Variants in VDAC1 observed in about 807,000 individuals in gnomAD.
VDAC1 encodes the protein non-selective voltage-gated ion channel VDAC1.
A neutral mutation model predicts 34.7 loss-of-function variants in VDAC1; 10 were observed. The observed-to-expected ratio is 0.29, with a 90% CI of 0.18 to 0.49. The LOEUF (loss-of-function observed/expected upper bound fraction) is 0.49. Among genes scored for constraint, VDAC1 ranks in the 20% least tolerant of loss-of-function variants. The pLI, the probability that VDAC1 is intolerant of heterozygous loss-of-function variation, is 0.99. For missense variants in VDAC1, 230 were observed against 347.9 expected, an observed-to-expected ratio of 0.66 and a Z score of 2.69; for synonymous variants, 130 against 136.0, an observed-to-expected ratio of 0.96 and a Z score of 0.30.
intron 1 of VDAC1, among the ~76,000 whole-genome samples, chr5:134,004,154 G>A (rs1753666860): frequency 6.6e-6 from 1 of 152,158 alleles, no homozygotes; most frequent in African/African-American, 2.4e-5. Flanking sequence ...CGTGGGCCTG[G>A]GGACTCGGGG....
chr5:134,024,395 G>A, the VDAC1 span, among the ~76,000 whole-genome samples: 1 of 151,638 alleles, frequency 6.6e-6, no homozygotes, highest in Non-Finnish European at 1.5e-5. Flanking sequence ...CAGGTGTGGT[G>A]GTGGGCACCT....
In VDAC1 at chr5:133,975,887, G is replaced by A. The variant is rs1438617458; in HGVS notation, c.686C>T (p.Pro229Leu). 6.2e-7 allele frequency: 1 copy of A among 1,611,788 alleles called. No individual in the cohort carries two copies. Among genetic ancestry groups the A allele is most frequent in the South Asian group, 1.1e-5 (1 of 90,950 alleles). ...FGIAAKYQID[P>L]DACFSAKVNN... ...GATACCCACCGAGAAGCAGGCGTCA[G>A]GGTCAATCTGATACTTGGCTGCTAT... Residue 229 changes from proline (P) to leucine (L), a missense_variant, in exon 7 of 9, where the codon CCT becomes CTT. Transcript: ENST00000265333.
the VDAC1 span, among the ~76,000 whole-genome samples, chr5:134,010,378 AC>A: frequency 6.6e-6 from 1 of 152,058 alleles, no homozygotes; most frequent in East Asian, 1.9e-4. Context: ...CGGGCAGATC[AC>A]CTGAGATCAG....
the VDAC1 span, among the ~76,000 whole-genome samples, chr5:134,035,549 C>T: frequency 6.6e-6 from 1 of 152,160 alleles, no homozygotes; most frequent in Non-Finnish European, 1.5e-5. Context: ...CACCAGCGAA[C>T]ATTTGAGCAA....
chr5:134,073,685 T>G, the VDAC1 span, among the ~76,000 whole-genome samples: 1 of 152,196 alleles, frequency 6.6e-6, no homozygotes, highest in African/African-American at 2.4e-5. Context: ...GAATACACAC[T>G]GGAGAATACT....
At chr5:134,057,150 C>T in the VDAC1 span, among the ~76,000 whole-genome samples, 1 of 152,020 alleles carries the variant, frequency 6.6e-6, no homozygotes, top group East Asian at 1.9e-4. Context: ...GCCTGACCAA[C>T]ATGGTAAAAC....
chr5:134,107,328 C>A, the VDAC1 span, among the ~76,000 whole-genome samples: 1 of 152,262 alleles, frequency 6.6e-6, no homozygotes, highest in East Asian at 1.9e-4. Flanking sequence ...AGGGAGCTCA[C>A]TGCCTCTGCT....
chr5:133,986,585 CA>C lies in VDAC1; in HGVS notation c.323+4269del, dbSNP rs200628979. Among the ~76,000 whole-genome samples, 1,055 of 152,036 alleles carry C rather than the reference CA, an allele frequency of 6.9e-3. 13 individuals carry two copies. Among genetic ancestry groups the C allele is most frequent in the African/African-American group, 0.022 (899 of 41,476 alleles). On this transcript the variant is annotated intron_variant, in intron 5 of 8. Coordinates refer to ENST00000265333, the MANE Select transcript of VDAC1 (RefSeq NM_003374.3). ...CTAATTTTTGTATTTTTAGTAAAGA[CA>C]GGGTTTTGCCAGGCTGGTCTCAAAC...
chr5:134,001,172 G>T (rs1053525368), intron 1 of VDAC1, among the ~76,000 whole-genome samples: 2 of 152,184 alleles, frequency 1.3e-5, no homozygotes, highest in Non-Finnish European at 2.9e-5. Context: ...GGGTCCCTTG[G>T]AGTGCAACTG....
At chr5:134,054,086 G>A in the VDAC1 span, among the ~76,000 whole-genome samples, 2 of 152,306 alleles carry the variant, frequency 1.3e-5, no homozygotes, top group Admixed American at 6.5e-5. Context: ...CAATTATGGC[G>A]TTTCTGGAAA....
intron 1 of VDAC1, among the ~76,000 whole-genome samples, chr5:134,003,033 A>G (rs924653148): frequency 2.4e-4 from 37 of 152,184 alleles, no homozygotes; most frequent in African/African-American, 8.4e-4. Context: ...TGCCCATTCA[A>G]TAATTCCACA....
At chr5:134,063,147 C>G in the VDAC1 span, among the ~76,000 whole-genome samples, 35 of 152,250 alleles carry the variant, frequency 2.3e-4, no homozygotes, top group Non-Finnish European at 4.6e-4. Flanking sequence ...AGTTTCCCCT[C>G]AAGTTAATAT....
the VDAC1 span, among the ~76,000 whole-genome samples, chr5:134,048,859 A>G: frequency 6.6e-6 from 1 of 152,076 alleles, no homozygotes; most frequent in African/African-American, 2.4e-5. Context: ...CTGCAGCTCC[A>G]GTATGTAGAG....
At chr5:134,055,483 G>A in the VDAC1 span, among the ~76,000 whole-genome samples, 21 of 151,644 alleles carry the variant, frequency 1.4e-4, no homozygotes, top group African/African-American at 4.9e-4. Flanking sequence ...GCAGTGGCGC[G>A]ATCTCGGCTC....
the VDAC1 span, among the ~76,000 whole-genome samples, chr5:134,019,186 CA>C: frequency 6.7e-6 from 1 of 150,334 alleles, no homozygotes; most frequent in Admixed American, 6.6e-5. Context: ...AACAAGCAAA[CA>C]AAAAAAAACC....
At chr5:134,114,143 T>A in the VDAC1 span, among the ~76,000 whole-genome samples, 52 of 152,278 alleles carry the variant, frequency 3.4e-4, no homozygotes, top group African/African-American at 9.6e-4. Flanking sequence ...ATGTTCGCAC[T>A]GTATGCAGGC....
the VDAC1 span, among the ~76,000 whole-genome samples, chr5:134,088,278 A>G: frequency 1.3e-5 from 2 of 152,204 alleles, no homozygotes; most frequent in African/African-American, 4.8e-5. Flanking sequence ...AACAAAACCC[A>G]TCACAGGTCC....
chr5:134,046,108 C>T, the VDAC1 span, among the ~76,000 whole-genome samples: 1 of 152,052 alleles, frequency 6.6e-6, no homozygotes, highest in East Asian at 1.9e-4. Flanking sequence ...TCACTGCAAG[C>T]TCCGCCTCCC....
chr5:134,106,186 G>A, the VDAC1 span, among the ~76,000 whole-genome samples: 1 of 152,190 alleles, frequency 6.6e-6, no homozygotes, highest in Non-Finnish European at 1.5e-5. Context: ...TGACCTTCTT[G>A]GGTCCACTTT....
Sources: gnomAD v4.1 joint callset for allele counts (sites outside exome capture counted in the v4.1 genomes callset) on GRCh38, gnomAD v4.1.1 for gene constraint, MANE v1.5 for transcripts, NCBI Gene and HGNC (gene_info 2026-07-23, HGNC 2026-07-21) for gene names.